The following FER variants were observed in gnomAD, a reference collection of about 807,000 sequenced individuals.
FER encodes tyrosine-protein kinase Fer.
Under a neutral mutation model 111.0 loss-of-function variants are expected in FER, and 63 were observed. The ratio of observed to expected loss-of-function variants is 0.57; its 90% CI spans 0.46 to 0.70. The LOEUF is 0.70. Among genes scored for constraint, FER ranks in the 30% least tolerant of loss-of-function variants. The pLI is 0.00. For missense variants in FER, 914 were observed against 954.0 expected, an observed-to-expected ratio of 0.96 and a Z score of 0.55; for synonymous variants, 327 against 313.9, an observed-to-expected ratio of 1.04 and a Z score of -0.44.
intron 3 of FER, among the ~76,000 whole-genome samples, chr5:108,811,013 C>T (rs1413850711): frequency 2.6e-5 from 4 of 151,902 alleles, no homozygotes; most frequent in Non-Finnish European, 5.9e-5. Flanking sequence ...CAGCCTGCTT[C>T]TCCAGGTGAG....
intron 1 of FER, among the ~76,000 whole-genome samples, chr5:108,752,283 T>A (rs1354144122): frequency 2.0e-5 from 3 of 152,064 alleles, no homozygotes; most frequent in African/African-American, 7.2e-5. Flanking sequence ...GTTAAATGCC[T>A]TACAATCAAT....
chr5:108,847,563 A>AT (rs1471684745), intron 5 of FER, among the ~76,000 whole-genome samples: 1 of 152,052 alleles, frequency 6.6e-6, no homozygotes, highest in Non-Finnish European at 1.5e-5. Flanking sequence ...GTTCTTAACA[A>AT]TTTTTTTGTC....
intron 16 of FER, among the ~76,000 whole-genome samples, chr5:109,080,718 A>C (rs1047026444): frequency 6.6e-6 from 1 of 152,140 alleles, no homozygotes; most frequent in African/African-American, 2.4e-5. Context: ...AGCAAGGAAA[A>C]AGATTGTACA....
chr5:109,007,865 C>T (rs2149795528), intron 13 of FER, among the ~76,000 whole-genome samples: 1 of 152,282 alleles, frequency 6.6e-6, no homozygotes, highest in South Asian at 2.1e-4. Context: ...TGCTATTTTG[C>T]ATTCCTACCA....
chr5:108,838,785 A>G lies in FER; in HGVS notation c.481+2978A>G. On this transcript the variant is annotated intron_variant, in intron 5 of 19. Transcript: ENST00000281092. ...AAAATAATACACCTTAAACATTCTA[A>G]AATAATACACCTTAAACATTCTAAA... Among the ~76,000 whole-genome samples the G allele has an allele frequency of 2.6e-5, 4 of 152,334 alleles. 1 individual carries two copies. Among genetic ancestry groups the G allele is most frequent in the Admixed American group, 2.0e-4 (3 of 15,306 alleles).
At chr5:108,819,787 G>A (rs1758655780) in intron 3 of FER, 3 of 984,668 alleles carry the variant, frequency 3.0e-6, no homozygotes, top group Non-Finnish European at 3.6e-6. Flanking sequence ...AGAAGGAAGT[G>A]TCTTGAGTAT....
intron 10 of FER, among the ~76,000 whole-genome samples, chr5:108,907,879 T>G (rs369032138): frequency 6.6e-6 from 1 of 152,144 alleles, no homozygotes; most frequent in Non-Finnish European, 1.5e-5. Context: ...ATCAATTGAT[T>G]GACACCCAAA....
intron 3 of FER, chr5:108,830,543 A>G (rs1195442087): frequency 6.6e-6 from 1 of 152,150 alleles, no homozygotes; most frequent in East Asian, 1.9e-4. Flanking sequence ...TAATTTTTAA[A>G]TTATTATTGT....
chr5:109,009,339 C>G (rs960529523), intron 13 of FER, among the ~76,000 whole-genome samples: 1 of 151,902 alleles, frequency 6.6e-6, no homozygotes, highest in Admixed American at 6.6e-5. Context: ...CGGCCCTCTT[C>G]CATCTTTTTA....
At chr5:108,919,404 C>T (rs1262472504) in intron 10 of FER, among the ~76,000 whole-genome samples, 1 of 151,824 alleles carries the variant, frequency 6.6e-6, no homozygotes, top group Non-Finnish European at 1.5e-5. Context: ...TTTTTCTAAA[C>T]AAGTTTATTT....
At chr5:109,071,835 G>C (rs1411898557) in intron 16 of FER, among the ~76,000 whole-genome samples, 1 of 151,844 alleles carries the variant, frequency 6.6e-6, no homozygotes, top group Non-Finnish European at 1.5e-5. Context: ...AAATTAATGA[G>C]TGGAGAAACT....
At position 108,835,809 on chromosome 5, in the gene FER, T is replaced by A; in HGVS notation, c.481+2T>A. The A allele has an allele frequency of 6.6e-7, 1 of 1,512,420 alleles. No individual in the cohort carries two copies. The highest frequency in any genetic ancestry group is 8.9e-7 in the Non-Finnish European group (1 of 1,126,488). 93.7% of individuals were successfully genotyped at this position (1,512,420 alleles called of 1,614,324 possible). The stretch of plus-strand genomic sequence containing the variant: ...AATATAAAGAAGCTTTAGCTAAAGG[T>A]AAGGCAAAATTTTAAAAATTGTTTA... On this transcript the variant is annotated splice_donor_variant, in intron 5 of 19. Transcript: ENST00000281092. LOFTEE classifies it high-confidence loss of function.
intron 2 of FER, among the ~76,000 whole-genome samples, chr5:108,774,051 C>T (rs1178089174): frequency 4.6e-5 from 7 of 151,910 alleles, no homozygotes; most frequent in Admixed American, 6.6e-5. Flanking sequence ...TCCCTCCCCT[C>T]ACCTCCTCAC....
intron 3 of FER, among the ~76,000 whole-genome samples, chr5:108,798,876 A>G (rs942916123): frequency 1.3e-5 from 2 of 152,172 alleles, no homozygotes; most frequent in Non-Finnish European, 2.9e-5. Context: ...GATATTCTGT[A>G]TTCTATAGCT....
chr5:109,154,617 A>G (rs1317583883), intron 17 of FER, among the ~76,000 whole-genome samples: 2 of 151,932 alleles, frequency 1.3e-5, no homozygotes, highest in Non-Finnish European at 1.5e-5. Context: ...CGTTTAAGAC[A>G]TAGTTTACTT....
chr5:108,968,136 C>T (rs1214564192), intron 13 of FER, among the ~76,000 whole-genome samples: 1 of 152,196 alleles, frequency 6.6e-6, no homozygotes, highest in African/African-American at 2.4e-5. Flanking sequence ...GGCCTGTAAT[C>T]CCAGCACTTT....
At chr5:109,110,051 C>T (rs1285994633) in intron 17 of FER, among the ~76,000 whole-genome samples, 2 of 152,084 alleles carry the variant, frequency 1.3e-5, no homozygotes, top group South Asian at 4.1e-4. Context: ...CACTGTATCT[C>T]TGACTCCACT....
intron 14 of FER, among the ~76,000 whole-genome samples, chr5:109,043,149 C>A (rs983873023): frequency 1.3e-5 from 2 of 151,696 alleles, no homozygotes; most frequent in South Asian, 4.2e-4. Flanking sequence ...TTCTAGTAAC[C>A]GAAAAAAGTA....
chr5:108,891,149 G>T (rs1400770643), intron 9 of FER, among the ~76,000 whole-genome samples: 1 of 152,044 alleles, frequency 6.6e-6, no homozygotes, highest in Non-Finnish European at 1.5e-5. Flanking sequence ...TCTTTTCAAT[G>T]TGCTGGTTTG....
Sources: gnomAD v4.1 joint callset for allele counts (sites outside exome capture counted in the v4.1 genomes callset) on GRCh38, gnomAD v4.1.1 for gene constraint, MANE v1.5 for transcripts, NCBI Gene and HGNC (gene_info 2026-07-23, HGNC 2026-07-21) for gene names.